The following MAGI3 variants were observed in gnomAD, a reference collection of about 807,000 sequenced individuals.
MAGI3 encodes membrane-associated guanylate kinase, WW and PDZ domain-containing protein 3.
Under a neutral mutation model 121.8 loss-of-function variants are expected in MAGI3, and 43 were observed. That is an observed-to-expected ratio of 0.35 (90% CI 0.28 to 0.46). The LOEUF (loss-of-function observed/expected upper bound fraction) is 0.46. Among genes scored for constraint, MAGI3 ranks in the 20% least tolerant of loss-of-function variants. MAGI3 has a pLI of 1.00. For missense variants in MAGI3, 1,547 were observed against 1,797.3 expected (o/e 0.86, Z 2.52); for synonymous variants, 553 against 639.3 (o/e 0.86, Z 2.04).
intron 1 of MAGI3, among the ~76,000 whole-genome samples, chr1:113,467,906 T>A (rs917804765): frequency 3.3e-5 from 5 of 152,202 alleles, no homozygotes; most frequent in African/African-American, 1.2e-4. Flanking sequence ...ACTTCAGAGC[T>A]CCACTGTTGT....
rs780936327 is a variant in MAGI3 at position 113,642,190 on chromosome 1, C to A, written c.1640C>A (p.Thr547Asn). The A allele has an allele frequency of 5.0e-6, 8 of 1,614,162 alleles. No homozygotes were observed. The South Asian group carries it at 8.8e-5, about 18-fold the overall frequency. The change falls in exon 10 of 21, where the codon ACT (threonine) becomes AAT (asparagine). Residue 547 changes from threonine to asparagine, a missense_variant. Coordinates refer to ENST00000307546, the MANE Select transcript of MAGI3 (RefSeq NM_001142782.2). ...GAGCAGAATGGAAAATCGGGACACA[C>A]TTTGACTGGTGATGGTCTCAATGGA... ...VLEQNGKSGH[T>N]LTGDGLNGPS...
At chr1:113,437,187 T>A (rs574411495) in intron 1 of MAGI3, among the ~76,000 whole-genome samples, 1 of 152,114 alleles carries the variant, frequency 6.6e-6, no homozygotes, top group South Asian at 2.1e-4. Context: ...AGTTTTTACA[T>A]ACTTTTATTT....
At chr1:113,597,941 C>T (rs1464303689) in intron 6 of MAGI3, among the ~76,000 whole-genome samples, 7 of 152,116 alleles carry the variant, frequency 4.6e-5, no homozygotes, top group Admixed American at 6.5e-5. Flanking sequence ...CTGCCAGGCA[C>T]GGTGGCTCAC....
chr1:113,576,669 C>T (rs1252873741), intron 2 of MAGI3: 1 of 152,178 alleles, frequency 6.6e-6, no homozygotes, highest in Non-Finnish European at 1.5e-5. Flanking sequence ...TGGGGAAAGA[C>T]TTGAATAACC....
intron 10 of MAGI3, 97 bp from the exon 11 acceptor site, chr1:113,643,646 C>G (rs1652671924): frequency 8.8e-7 from 1 of 1,131,742 alleles, no homozygotes. Context: ...TACTAGCGTA[C>G]TAAAAGTTGA....
At chr1:113,662,760 T>C (rs1178457825) in intron 16 of MAGI3, among the ~76,000 whole-genome samples, 1 of 152,224 alleles carries the variant, frequency 6.6e-6, no homozygotes, top group Non-Finnish European at 1.5e-5. Flanking sequence ...GTTACGTAAA[T>C]GTTATGGATT....
At chr1:113,449,729 G>A in intron 1 of MAGI3, 1 of 913,060 alleles carries the variant, frequency 1.1e-6, no homozygotes, top group East Asian at 2.4e-5. Flanking sequence ...AGGAACCAGA[G>A]AAGTTGAGAA....
chr1:113,604,332 G>A (rs933130198), intron 6 of MAGI3, among the ~76,000 whole-genome samples: 1 of 152,022 alleles, frequency 6.6e-6, no homozygotes. Flanking sequence ...ACTTTGGGAG[G>A]CTGAGGCGGG....
chr1:113,659,670 G>A (rs191681087), intron 16 of MAGI3, among the ~76,000 whole-genome samples: 4 of 152,332 alleles, frequency 2.6e-5, no homozygotes, highest in Non-Finnish European at 5.9e-5. Context: ...ATGCCACAGT[G>A]TGCCTTTCCT....
chr1:113,520,249 T>C (rs1057405724), intron 1 of MAGI3, among the ~76,000 whole-genome samples: 6 of 152,034 alleles, frequency 3.9e-5, no homozygotes, highest in African/African-American at 1.2e-4. Context: ...ATTGAGACTT[T>C]TTTTTTTTAG....
At chr1:113,544,245 TAGA>T (rs528055193) in intron 1 of MAGI3, among the ~76,000 whole-genome samples, 52 of 152,292 alleles carry the variant, frequency 3.4e-4, no homozygotes, top group Non-Finnish European at 5.9e-4. Flanking sequence ...TCTCATGAGG[TAGA>T]AGAAGTAATA....
intron 8 of MAGI3, among the ~76,000 whole-genome samples, chr1:113,620,898 A>G (rs1183555111): frequency 1.3e-5 from 2 of 152,214 alleles, no homozygotes; most frequent in Non-Finnish European, 2.9e-5. Flanking sequence ...TAAGGTGGTT[A>G]TGAGTATGTA....
chr1:113,645,022 CTTTTT>C (rs10548467), intron 11 of MAGI3, among the ~76,000 whole-genome samples: 2 of 104,368 alleles, frequency 1.9e-5, no homozygotes. Context: ...AGCTTCTGGC[CTTTTT>C]TTTTTTTTTT....
At chr1:113,640,823 C>T (rs1652412380) in intron 9 of MAGI3, among the ~76,000 whole-genome samples, 1 of 149,622 alleles carries the variant, frequency 6.7e-6, no homozygotes, top group East Asian at 1.9e-4. Flanking sequence ...AGCAAACCAC[C>T]ATGGCACACT....
intron 1 of MAGI3, among the ~76,000 whole-genome samples, chr1:113,413,718 A>G (rs1296375424): frequency 6.6e-6 from 1 of 152,136 alleles, no homozygotes; most frequent in Non-Finnish European, 1.5e-5. Context: ...TGATTTTTGC[A>G]GATTGATTTT....
chr1:113,472,811 A>G (rs1655607947), intron 1 of MAGI3, among the ~76,000 whole-genome samples: 1 of 152,184 alleles, frequency 6.6e-6, no homozygotes, highest in African/African-American at 2.4e-5. Context: ...TTTTAAACTG[A>G]TAACAACTTG....
intron 1 of MAGI3, among the ~76,000 whole-genome samples, chr1:113,453,790 T>C (rs1024417984): frequency 2.0e-5 from 3 of 152,234 alleles, no homozygotes; most frequent in African/African-American, 7.2e-5. Context: ...TAAACAATAA[T>C]ACTTGGTGAA....
chr1:113,544,251 A>T (rs546285197), intron 1 of MAGI3, among the ~76,000 whole-genome samples: 3 of 152,174 alleles, frequency 2.0e-5, no homozygotes, highest in Non-Finnish European at 4.4e-5. Flanking sequence ...GAGGTAGAAG[A>T]AGTAATAAGA....
chr1:113,652,788 C>CA (rs1653245371), intron 14 of MAGI3, among the ~76,000 whole-genome samples: 3 of 152,086 alleles, frequency 2.0e-5, no homozygotes, highest in Admixed American at 6.5e-5. Flanking sequence ...CAAATTATGG[C>CA]AAAAAATATG....
Sources: allele counts gnomAD v4.1 joint callset (sites outside exome capture counted in the v4.1 genomes callset), GRCh38; gene constraint gnomAD v4.1.1; transcripts MANE v1.5; gene names NCBI Gene and HGNC (gene_info 2026-07-23, HGNC 2026-07-21).